ATP8A1: variants seen among roughly 807,000 people sequenced by gnomAD.
The protein encoded by ATP8A1 is ATPase phospholipid transporting 8A1, also known as phospholipid-transporting ATPase IA.
In ATP8A1, 90 loss-of-function variants were observed where a neutral mutation model predicts 177.7. The ratio of observed to expected loss-of-function variants is 0.51; its 90% confidence interval spans 0.43 to 0.60. The LOEUF is 0.60. Ranked by LOEUF, ATP8A1 falls within the 20% of genes least tolerant of loss-of-function variation. The pLI, the probability that ATP8A1 is intolerant of heterozygous loss-of-function variation, is 0.00. For synonymous variants in ATP8A1, 493 were observed against 485.9 expected (o/e 1.01, Z -0.19); for missense variants, 1,072 against 1,392.8 (o/e 0.77, Z 3.67).
chr4:42,651,488 T>C (rs993599963), intron 1 of ATP8A1, among the ~76,000 whole-genome samples: 2 of 152,144 alleles, frequency 1.3e-5, no homozygotes, highest in Non-Finnish European at 2.9e-5. Context: ...CTCGGGTATG[T>C]CTTTATCAGC....
chr4:42,457,622 C>T (rs1718628909), intron 27 of ATP8A1, among the ~76,000 whole-genome samples: 1 of 152,120 alleles, frequency 6.6e-6, no homozygotes, highest in Admixed American at 6.6e-5. Flanking sequence ...ATCATCAATA[C>T]CGTACAATGA....
intron 22 of ATP8A1, among the ~76,000 whole-genome samples, chr4:42,509,967 A>G (rs571768017): frequency 2.5e-4 from 38 of 152,186 alleles, no homozygotes; most frequent in Middle Eastern, 6.8e-3. Flanking sequence ...CATGTACATT[A>G]AGAGAAGTGT....
intron 6 of ATP8A1, chr4:42,594,158 G>A: frequency 1.9e-6 from 1 of 523,536 alleles, no homozygotes; most frequent in Non-Finnish European, 3.4e-6. Flanking sequence ...TTTTTTAAAT[G>A]TTTAAATAAA....
At chr4:42,534,372 A>G (rs1000787782) in intron 20 of ATP8A1, among the ~76,000 whole-genome samples, 3 of 152,206 alleles carry the variant, frequency 2.0e-5, no homozygotes, top group Non-Finnish European at 2.9e-5. Context: ...AGAGAAATGG[A>G]AAGTCTCAAC....
At chr4:42,428,793 C>T (rs1714922822) in intron 33 of ATP8A1, among the ~76,000 whole-genome samples, 1 of 152,292 alleles carries the variant, frequency 6.6e-6, no homozygotes, top group African/African-American at 2.4e-5. Context: ...TCTTGCTACA[C>T]ATAACATGTT....
chr4:42,581,425 G>A lies in ATP8A1; in HGVS notation c.834+196C>T, dbSNP rs41265701. ...TGGGATTACAGGCGTGAGCCACCGCGCCCAGCCCAAGCCATTCTTATAGGG... is the reference window on the plus strand; with the variant it reads ...TGGGATTACAGGCGTGAGCCACCGCACCCAGCCCAAGCCATTCTTATAGGG... On this transcript the variant is annotated intron_variant, in intron 10 of 36. Transcript: ENST00000381668. 0.14 allele frequency among the ~76,000 whole-genome samples: 21,270 copies of A among 152,132 alleles called. 1,855 individuals carry two copies. Among genetic ancestry groups the A allele is most frequent in the East Asian group, 0.32 (1,671 of 5,152 alleles).
At chr4:42,498,034 A>G (rs1224438574) in intron 24 of ATP8A1, among the ~76,000 whole-genome samples, 4 of 152,250 alleles carry the variant, frequency 2.6e-5, no homozygotes, top group Non-Finnish European at 5.9e-5. Flanking sequence ...ATGGTAAAAG[A>G]AAATTCACAG....
At chr4:42,643,582 G>A (rs1292081518) in intron 1 of ATP8A1, among the ~76,000 whole-genome samples, 1 of 152,054 alleles carries the variant, frequency 6.6e-6, no homozygotes, top group Non-Finnish European at 1.5e-5. Flanking sequence ...TCCCCATCAT[G>A]TCCACTGATG....
chr4:42,559,055 G>A (rs1730543753), intron 15 of ATP8A1, among the ~76,000 whole-genome samples: 1 of 152,106 alleles, frequency 6.6e-6, no homozygotes, highest in Admixed American at 6.6e-5. Flanking sequence ...TGCACCAGCT[G>A]GTGGTGTGTA....
intron 9 of ATP8A1, 53 bp downstream of exon 9, chr4:42,586,296 A>G (rs1371383816): frequency 1.3e-6 from 2 of 1,592,378 alleles, no homozygotes; most frequent in Non-Finnish European, 1.7e-6. Flanking sequence ...AGACACAGCA[A>G]TACTCTATGA....
chr4:42,654,871 T>C (rs1201911063), intron 1 of ATP8A1, among the ~76,000 whole-genome samples: 1 of 152,194 alleles, frequency 6.6e-6, no homozygotes, highest in Non-Finnish European at 1.5e-5. Context: ...AAGGAGAATA[T>C]TCCTTAGGAA....
At chr4:42,632,179 G>C (rs1738808285) in intron 1 of ATP8A1, among the ~76,000 whole-genome samples, 1 of 152,050 alleles carries the variant, frequency 6.6e-6, no homozygotes, top group South Asian at 2.1e-4. Flanking sequence ...GCAGCTTCTG[G>C]GAAATCTTAG....
intron 18 of ATP8A1, among the ~76,000 whole-genome samples, chr4:42,550,025 T>C (rs976106011): frequency 1.3e-5 from 2 of 152,004 alleles, no homozygotes; most frequent in African/African-American, 4.8e-5. Flanking sequence ...AGCACCCCAA[T>C]CAAGATATAA....
At chr4:42,628,515 G>T (rs1304124754) in intron 1 of ATP8A1, among the ~76,000 whole-genome samples, 1 of 152,082 alleles carries the variant, frequency 6.6e-6, no homozygotes, top group Non-Finnish European at 1.5e-5. Flanking sequence ...CCAAGTAGGA[G>T]GGGCACAGGG....
At chr4:42,653,454 C>A (rs1741316969) in intron 1 of ATP8A1, among the ~76,000 whole-genome samples, 1 of 152,218 alleles carries the variant, frequency 6.6e-6, no homozygotes, top group Non-Finnish European at 1.5e-5. Context: ...TAGACATCTG[C>A]TGAATGAGTT....
chr4:42,549,077 AAT>A lies in ATP8A1; in HGVS notation c.1603-17_1603-16del. On this transcript the variant is annotated splice_polypyrimidine_tract_variant and intron_variant, in intron 18 of 36. Coordinates refer to ENST00000381668, the MANE Select transcript of ATP8A1 (RefSeq NM_006095.2). ...TCCTGCCCCAGCTAAGAAGAAAAGG[AAT>A]ATATAATTACATACAGTTGGAAAAG... 1 of 1,598,198 alleles carries A rather than the reference AAT, an allele frequency of 6.3e-7. No homozygotes were observed. Among genetic ancestry groups the A allele is most frequent in the Non-Finnish European group, 8.6e-7 (1 of 1,167,328 alleles).
chr4:42,613,757 T>A (rs1019639619), intron 5 of ATP8A1, among the ~76,000 whole-genome samples: 6 of 152,058 alleles, frequency 3.9e-5, no homozygotes, highest in African/African-American at 1.4e-4. Flanking sequence ...CTAATTTTTG[T>A]ATTTTTAGTA....
intron 22 of ATP8A1, among the ~76,000 whole-genome samples, chr4:42,514,510 GGAAA>G (rs1560410174): frequency 6.6e-6 from 1 of 152,150 alleles, no homozygotes; most frequent in Admixed American, 6.5e-5. Context: ...TTGTTTTCAA[GGAAA>G]ATGGAATACA....
chr4:42,485,427 C>T (rs373559212), intron 25 of ATP8A1, 69 bp downstream of exon 25: 78 of 1,395,546 alleles, frequency 5.6e-5, no homozygotes, highest in African/African-American at 3.0e-4. Flanking sequence ...CTTTCATTGA[C>T]GTTTATAAAT....
Sources: allele counts gnomAD v4.1 joint callset (sites outside exome capture counted in the v4.1 genomes callset), GRCh38; gene constraint gnomAD v4.1.1; transcripts MANE v1.5; gene names NCBI Gene and HGNC (gene_info 2026-07-23, HGNC 2026-07-21).